The following TRAPPC9 variants were observed in gnomAD, a reference collection of about 807,000 sequenced individuals.
TRAPPC9 encodes trafficking protein particle complex subunit 9.
TRAPPC9 carries 83 observed loss-of-function variants against 124.0 expected under a neutral mutation model. The observed-to-expected ratio is 0.67, with a 90% CI of 0.56 to 0.80. The LOEUF is 0.80. Ranked by LOEUF, TRAPPC9 falls within the 30% of genes least tolerant of loss-of-function variation. The pLI is 0.00. For synonymous variants in TRAPPC9, 638 were observed against 617.5 expected (o/e 1.03, Z -0.49); for missense variants, 1,302 against 1,508.3 (o/e 0.86, Z 2.27).
intron 11 of TRAPPC9, among the ~76,000 whole-genome samples, chr8:140,299,716 G>A (rs928013401): frequency 6.6e-6 from 1 of 152,208 alleles, no homozygotes; most frequent in African/African-American, 2.4e-5. Context: ...ACTACAGCCG[G>A]GCTTTGGGAA....
At chr8:140,259,393 C>T (rs2064347287) in intron 15 of TRAPPC9, among the ~76,000 whole-genome samples, 1 of 152,156 alleles carries the variant, frequency 6.6e-6, no homozygotes, top group South Asian at 2.1e-4. Context: ...AAGGCAGGGA[C>T]CAGACCTTGC....
intron 17 of TRAPPC9, among the ~76,000 whole-genome samples, chr8:140,197,340 T>G (rs1017183618): frequency 6.6e-6 from 1 of 152,192 alleles, no homozygotes; most frequent in South Asian, 2.1e-4. Context: ...ACAAATCCTT[T>G]CTTCACTTGG....
chr8:140,444,518 T>C (rs543283390), intron 2 of TRAPPC9, among the ~76,000 whole-genome samples: 1 of 152,068 alleles, frequency 6.6e-6, no homozygotes, highest in Admixed American at 6.6e-5. Context: ...CCCAGTACCT[T>C]TAGAAGAAGT....
intron 9 of TRAPPC9, among the ~76,000 whole-genome samples, chr8:140,340,628 A>C (rs2067167539): frequency 6.6e-6 from 1 of 152,250 alleles, no homozygotes; most frequent in African/African-American, 2.4e-5. Flanking sequence ...TAAAGTCAGT[A>C]AATTGTCAAA....
intron 2 of TRAPPC9, among the ~76,000 whole-genome samples, chr8:140,444,129 T>G (rs969012528): frequency 6.7e-6 from 1 of 149,960 alleles, no homozygotes; most frequent in Admixed American, 6.7e-5. Flanking sequence ...AAAGAATTGC[T>G]TGAACCTGGG....
intron 19 of TRAPPC9, among the ~76,000 whole-genome samples, chr8:139,949,126 G>A (rs897354172): frequency 1.3e-5 from 2 of 151,938 alleles, no homozygotes; most frequent in African/African-American, 4.8e-5. Context: ...AGAAATTTCT[G>A]TGAGAATGAT....
chr8:140,065,693 T>C (rs1842865026), intron 17 of TRAPPC9, among the ~76,000 whole-genome samples: 1 of 152,230 alleles, frequency 6.6e-6, no homozygotes, highest in Admixed American at 6.5e-5. Flanking sequence ...CCTGAATATT[T>C]TAAGCCATCT....
At chr8:140,201,562 G>A (rs2062789507) in intron 17 of TRAPPC9, among the ~76,000 whole-genome samples, 1 of 152,116 alleles carries the variant, frequency 6.6e-6, no homozygotes, top group African/African-American at 2.4e-5. Flanking sequence ...TGTGTATACT[G>A]TTACAAAATA....
intron 7 of TRAPPC9, 48 bp from the exon 8 acceptor site, chr8:140,371,228 T>A: frequency 6.6e-7 from 1 of 1,513,158 alleles, no homozygotes; most frequent in Non-Finnish European, 9.0e-7. Flanking sequence ...AACGTATAAG[T>A]GAAAAAAGAA....
intron 18 of TRAPPC9, among the ~76,000 whole-genome samples, chr8:139,989,360 G>A (rs553523680): frequency 2.9e-4 from 44 of 152,296 alleles, no homozygotes; most frequent in Non-Finnish European, 5.9e-4. Context: ...GGCACCTCTC[G>A]AACTGGGGCA....
intron 21 of TRAPPC9, among the ~76,000 whole-genome samples, chr8:139,764,423 G>A (rs1436493637): frequency 6.6e-6 from 1 of 152,220 alleles, no homozygotes; most frequent in East Asian, 1.9e-4. Context: ...GGGCTGCAAA[G>A]CTGTGTCCCA....
At chr8:140,068,503 C>G (rs1309615642) in intron 17 of TRAPPC9, among the ~76,000 whole-genome samples, 1 of 152,190 alleles carries the variant, frequency 6.6e-6, no homozygotes, top group East Asian at 1.9e-4. Flanking sequence ...GAATTTTAAA[C>G]AATTATGAAT....
chr8:139,909,763 G>A (rs941131689), intron 20 of TRAPPC9, among the ~76,000 whole-genome samples: 74 of 152,296 alleles, frequency 4.9e-4, no homozygotes, highest in African/African-American at 1.8e-3. Flanking sequence ...TGTACAATCC[G>A]ATTTCAGTTT....
intron 4 of TRAPPC9, among the ~76,000 whole-genome samples, chr8:140,428,230 T>G (rs913006634): frequency 3.3e-5 from 5 of 152,208 alleles, no homozygotes; most frequent in South Asian, 4.1e-4. Context: ...CATCAATCAT[T>G]TGACTATTAG....
intron 17 of TRAPPC9, among the ~76,000 whole-genome samples, chr8:140,147,641 T>C (rs1349487264): frequency 6.6e-6 from 1 of 152,244 alleles, no homozygotes; most frequent in Admixed American, 6.5e-5. Flanking sequence ...AACATCACTC[T>C]GGCTTCAATG....
At chr8:140,017,705 T>C (rs966349882) in intron 18 of TRAPPC9, among the ~76,000 whole-genome samples, 1 of 152,204 alleles carries the variant, frequency 6.6e-6, no homozygotes. Flanking sequence ...CTATTCTAGG[T>C]CTGTTCAATT....
At chr8:140,399,394 A>G (rs549294156) in intron 6 of TRAPPC9, among the ~76,000 whole-genome samples, 1 of 152,332 alleles carries the variant, frequency 6.6e-6, no homozygotes, top group African/African-American at 2.4e-5. Flanking sequence ...AGCCCATGAA[A>G]GCAGCCAGGA....
chr8:140,341,760 G>C (rs1037831678), intron 9 of TRAPPC9, among the ~76,000 whole-genome samples: 7 of 152,156 alleles, frequency 4.6e-5, no homozygotes, highest in African/African-American at 1.7e-4. Context: ...GGGAAGCACG[G>C]AGCACGGGAA....
chr8:140,394,411 G>A (rs1321835219), intron 7 of TRAPPC9, among the ~76,000 whole-genome samples: 2 of 152,196 alleles, frequency 1.3e-5, no homozygotes, highest in Admixed American at 1.3e-4. Context: ...TGGACAGGAG[G>A]TGTCAAGGCC....
Sources: allele counts gnomAD v4.1 joint callset (sites outside exome capture counted in the v4.1 genomes callset), GRCh38; gene constraint gnomAD v4.1.1; transcripts MANE v1.5; gene names NCBI Gene and HGNC (gene_info 2026-07-23, HGNC 2026-07-21).